MS4A15: variants seen among roughly 807,000 people sequenced by gnomAD.
The protein encoded by MS4A15 is membrane-spanning 4-domains subfamily A member 15.
In MS4A15, 22 loss-of-function variants were observed where a neutral mutation model predicts 20.6. The observed-to-expected ratio is 1.07, with a 90% CI of 0.76 to 1.52. The LOEUF (loss-of-function observed/expected upper bound fraction) is 1.52. Ranked by LOEUF, MS4A15 falls within the 40% of genes most tolerant of loss-of-function variation. The pLI, the probability that MS4A15 is intolerant of heterozygous loss-of-function variation, is 0.00. For missense variants in MS4A15, 312 were observed against 323.0 expected, an observed-to-expected ratio of 0.97 and a Z score of 0.26; for synonymous variants, 129 against 129.3, an observed-to-expected ratio of 1.00 and a Z score of 0.02.
In MS4A15 at chr11:60,771,315, G is replaced by T; in HGVS notation, c.373G>T (p.Val125Leu). 6.2e-7 allele frequency: 1 copy of T among 1,614,166 alleles called. No individual in the cohort carries two copies. The highest frequency in any genetic ancestry group is 8.5e-7 in the Non-Finnish European group (1 of 1,180,036). ...ACFIISGSLS[V>L]AAEKNHTSCL... ...GTTCATCATCTCCGGATCCCTCTCA[G>T]TGGCAGCCGAGAAGAACCACACCAG... Residue 125 changes from valine to leucine, a missense_variant, in exon 4 of 7, where the codon GTG becomes TTG. Transcript: ENST00000405633.
chr11:60,757,611 T>C (rs894149330), intron 1 of MS4A15, among the ~76,000 whole-genome samples: 5 of 152,114 alleles, frequency 3.3e-5, no homozygotes, highest in Admixed American at 1.3e-4. Flanking sequence ...CCTCCCCCTA[T>C]AGAAAAGCCA....
chr11:60,771,699 G>C, intron 4 of MS4A15: 2 of 1,319,930 alleles, frequency 1.5e-6, no homozygotes, highest in Non-Finnish European at 2.0e-6. Flanking sequence ...AGAATGCACG[G>C]AGGAGTGTGG....
chr11:60,760,011 T>C (rs1247046381), intron 1 of MS4A15, among the ~76,000 whole-genome samples: 2 of 152,150 alleles, frequency 1.3e-5, no homozygotes, highest in East Asian at 3.9e-4. Flanking sequence ...GGGCCCACCG[T>C]TCTTTCTCTG....
chr11:60,771,530 G>A (rs1258510962), intron 4 of MS4A15, 183 bp downstream of exon 4: 1 of 1,534,030 alleles, frequency 6.5e-7, no homozygotes, highest in African/African-American at 1.4e-5. Context: ...TCCAGGAGAA[G>A]AAGACAGGGA....
rs990505335 is a variant in MS4A15 at position 60,773,579 on chromosome 11, C to T, written c.498+95C>T. The T allele has an allele frequency of 2.3e-4, 267 of 1,149,654 alleles. 1 individual carries two copies. Among genetic ancestry groups the T allele is most frequent in the Non-Finnish European group, 2.5e-4 (197 of 779,022 alleles). The allele number at this position is 1,149,654 out of a possible 1,614,324, so 71.2% of individuals were successfully genotyped here. On this transcript the variant is annotated intron_variant, in intron 5 of 6. Coordinates refer to ENST00000405633, the MANE Select transcript of MS4A15 (RefSeq NM_001098835.2). ...GAGGTGAGAGTTTGCAGCGCCAGGA[C>T]GTTGGCAGGGCCTGCCAGTCCCTAT...
At chr11:60,770,744 C>A (rs1171672836) in intron 3 of MS4A15, among the ~76,000 whole-genome samples, 1 of 151,730 alleles carries the variant, frequency 6.6e-6, no homozygotes, top group South Asian at 2.1e-4. Context: ...CTCACTCTGT[C>A]CCCCAGGCTG....
chr11:60,775,537 G>A lies in MS4A15; in HGVS notation c.613-68G>A, dbSNP rs747883485. On this transcript the variant is annotated intron_variant, in intron 6 of 6. Coordinates refer to ENST00000405633, the MANE Select transcript of MS4A15 (RefSeq NM_001098835.2). Reference sequence around the variant, plus strand: ...GCTGTTCTCAGATTACCCACAAGGGGGCACTATTGAACCACTACCCTGAAG... The same window carrying A: ...GCTGTTCTCAGATTACCCACAAGGGAGCACTATTGAACCACTACCCTGAAG... 629 of 1,263,458 alleles carry A rather than the reference G, an allele frequency of 5.0e-4. 1 individual carries two copies. The highest frequency in any genetic ancestry group is 6.7e-4 in the Non-Finnish European group (587 of 877,904). 78.3% of individuals were successfully genotyped at this position (1,263,458 alleles called of 1,614,324 possible).
intron 3 of MS4A15, among the ~76,000 whole-genome samples, chr11:60,768,657 A>G (rs1853944504): frequency 6.6e-6 from 1 of 152,148 alleles, no homozygotes; most frequent in African/African-American, 2.4e-5. Context: ...CCTCATCTAA[A>G]ACTTGGGCTC....
At chr11:60,771,239 C>T (rs1247252802) in intron 3 of MS4A15, 52 bp from the exon 4 acceptor site, 7 of 1,604,836 alleles carry the variant, frequency 4.4e-6, no homozygotes, top group Middle Eastern at 4.3e-4. Context: ...GCAGGGTCTG[C>T]CCTGCCCAGG....
At chr11:60,765,457 A>G (rs1485606420) in intron 2 of MS4A15, among the ~76,000 whole-genome samples, 1 of 152,100 alleles carries the variant, frequency 6.6e-6, no homozygotes, top group South Asian at 2.1e-4. Context: ...TTACTTATGA[A>G]GCATCTCTGA....
chr11:60,769,662 A>G (rs1380066686), intron 3 of MS4A15, among the ~76,000 whole-genome samples: 1 of 152,066 alleles, frequency 6.6e-6, no homozygotes, highest in Non-Finnish European at 1.5e-5. Flanking sequence ...CCCCAGCCCT[A>G]TCCCTCCTAT....
chr11:60,773,556 G>A (rs1854099968), intron 5 of MS4A15, 72 bp downstream of exon 5: 5 of 1,423,072 alleles, frequency 3.5e-6, no homozygotes, highest in African/African-American at 2.8e-5. Flanking sequence ...AGGGTAGGGA[G>A]GTGAGAGTTT....
chr11:60,763,074 C>CG (rs1425566282), intron 1 of MS4A15, among the ~76,000 whole-genome samples: 1 of 152,182 alleles, frequency 6.6e-6, no homozygotes, highest in African/African-American at 2.4e-5. Flanking sequence ...CCGCCACCCC[C>CG]GCTCGAGGCC....
chr11:60,769,623 G>A (rs893259952), intron 3 of MS4A15, among the ~76,000 whole-genome samples: 1 of 152,104 alleles, frequency 6.6e-6, no homozygotes, highest in Non-Finnish European at 1.5e-5. Context: ...ATATCAAAAT[G>A]AAACTCTTGA....
At chr11:60,769,207 T>C (rs1315410861) in intron 3 of MS4A15, among the ~76,000 whole-genome samples, 1 of 152,228 alleles carries the variant, frequency 6.6e-6, no homozygotes, top group Non-Finnish European at 1.5e-5. Flanking sequence ...TCAGGAGACA[T>C]GAGCGTCGGG....
At chr11:60,761,673 C>T (rs1185638830) in intron 1 of MS4A15, among the ~76,000 whole-genome samples, 1 of 152,188 alleles carries the variant, frequency 6.6e-6, no homozygotes, top group Non-Finnish European at 1.5e-5. Context: ...CCTGCTCATA[C>T]CCAAATTTGG....
rs541798819 is a variant in MS4A15 at position 60,774,193 on chromosome 11, C to A, written c.612+243C>A. Among the ~76,000 whole-genome samples, 6 of 152,206 alleles carry A rather than the reference C, an allele frequency of 3.9e-5. No homozygotes were observed. In the South Asian group the frequency reaches 1.2e-3, roughly 32 times the overall value. ...TTTGAAAAATGAGATGGGAGGATCT[C>A]TTGAGCCCTGGAGTTTGAGACAAGC... is the stretch of plus-strand genomic sequence containing the variant. On this transcript the variant is annotated intron_variant, in intron 6 of 6. Transcript: ENST00000405633.
At chr11:60,767,147 G>C (rs1360467147) in intron 2 of MS4A15, among the ~76,000 whole-genome samples, 1 of 152,192 alleles carries the variant, frequency 6.6e-6, no homozygotes, top group Non-Finnish European at 1.5e-5. Context: ...TGTGATGGAC[G>C]CTGCAGATTG....
At position 60,776,487 on chromosome 11, in the gene MS4A15, C is replaced by T. The variant is rs1426340367; in HGVS notation, c.*772C>T. ...TGCCGCCAGCCCACTCCTGAGGCACCACCACAGTCAGCATCGACAGGGGCA... is the reference window on the plus strand; with the variant it reads ...TGCCGCCAGCCCACTCCTGAGGCACTACCACAGTCAGCATCGACAGGGGCA... On this transcript the variant is annotated 3_prime_UTR_variant, in exon 7 of 7. Transcript: ENST00000405633. The T allele has an allele frequency of 6.6e-6, 1 of 152,242 alleles. No homozygotes were observed. Among genetic ancestry groups the T allele is most frequent in the Non-Finnish European group, 1.5e-5 (1 of 68,202 alleles). The allele number at this position is 152,242 out of a possible 1,614,324, so 9.4% of individuals were successfully genotyped here. A position where few individuals can be genotyped will look rare whatever the true frequency, so the allele number is the denominator to read the frequency against.
Sources: gnomAD v4.1 joint callset for allele counts (sites outside exome capture counted in the v4.1 genomes callset) on GRCh38, gnomAD v4.1.1 for gene constraint, MANE v1.5 for transcripts, NCBI Gene and HGNC (gene_info 2026-07-23, HGNC 2026-07-21) for gene names.